Variants in STIP1 observed in about 807,000 individuals in gnomAD.
STIP1 encodes stress-induced-phosphoprotein 1.
STIP1 carries 16 observed loss-of-function variants against 77.4 expected under a neutral mutation model. That is an observed-to-expected ratio of 0.21 (90% CI 0.14 to 0.31). The LOEUF is 0.31. STIP1 is among the 10% of genes least tolerant of loss of function. STIP1 has a pLI of 1.00. For synonymous variants in STIP1, 258 were observed against 246.6 expected (o/e 1.05, Z -0.44); for missense variants, 524 against 684.8 (o/e 0.77, Z 2.62).
rs1172506794 is a variant in STIP1, at chr11:64,204,246, A to G, written c.*120A>G. The G allele has an allele frequency of 9.9e-7, 1 of 1,005,846 alleles. No homozygotes were observed. The highest frequency in any genetic ancestry group is 1.5e-6 in the Non-Finnish European group (1 of 678,264). The allele number at this position is 1,005,846 out of a possible 1,614,324, so 62.3% of individuals were successfully genotyped here. On this transcript the variant is annotated 3_prime_UTR_variant, in exon 14 of 14. Transcript: ENST00000305218. Reference sequence around the variant, plus strand: ...GAAGGCCTCATCTCTCTATATTTATACATAACCCCGGGGAAGACACAGAGA... The same window carrying G: ...GAAGGCCTCATCTCTCTATATTTATGCATAACCCCGGGGAAGACACAGAGA...
At chr11:64,196,423 A>G (rs957145500) in intron 5 of STIP1, among the ~76,000 whole-genome samples, 2 of 151,464 alleles carry the variant, frequency 1.3e-5, no homozygotes, top group African/African-American at 4.8e-5. Context: ...AAGCTTCACA[A>G]GAGCATTCCT....
intron 1 of STIP1, among the ~76,000 whole-genome samples, chr11:64,189,245 C>T (rs746762424): frequency 2.6e-5 from 4 of 152,142 alleles, no homozygotes; most frequent in South Asian, 4.1e-4. Flanking sequence ...CCTGTAGTCC[C>T]GGCTACTTGG....
At position 64,200,058 on chromosome 11, in the gene STIP1, T is replaced by C. The variant is rs199740253; in HGVS notation, c.1120+22T>C. On this transcript the variant is annotated intron_variant, in intron 9 of 13. Transcript: ENST00000305218. ...AAAGGTACTGCCTGCAGCTGGGGGA[T>C]TGGGGGAGCAGTGCTGGGTGTGCCT... The C allele has an allele frequency of 3.2e-5, 52 of 1,613,878 alleles. 1 individual carries two copies. Among genetic ancestry groups the C allele is most frequent in the African/African-American group, 6.7e-5 (5 of 74,958 alleles).
chr11:64,203,244 G>A lies in STIP1; in HGVS notation c.1386+16G>A. Reference sequence around the variant, plus strand: ...CAGCTGTAAGGTGGGGCTGCTTCTGGCCTCCAGGGGCCCCCCCTGCCTCTT... The same window carrying A: ...CAGCTGTAAGGTGGGGCTGCTTCTGACCTCCAGGGGCCCCCCCTGCCTCTT... On this transcript the variant is annotated intron_variant, in intron 12 of 13. Coordinates refer to ENST00000305218, the MANE Select transcript of STIP1 (RefSeq NM_006819.3). The A allele has an allele frequency of 6.2e-7, 1 of 1,612,778 alleles. No homozygotes were observed. The highest frequency in any genetic ancestry group is 8.5e-7 in the Non-Finnish European group (1 of 1,179,828).
chr11:64,198,753 GTT>G (rs371481270), intron 8 of STIP1, among the ~76,000 whole-genome samples: 7 of 111,052 alleles, frequency 6.3e-5, no homozygotes, highest in Non-Finnish European at 8.9e-5. Flanking sequence ...TTTTTTTGTG[GTT>G]TTTTTTTTTT....
chr11:64,197,163 A>T, intron 5 of STIP1, 108 bp from the exon 6 acceptor site: 1 of 1,456,876 alleles, frequency 6.9e-7, no homozygotes, highest in African/African-American at 1.4e-5. Flanking sequence ...AGAACTTGAT[A>T]GAATTCTATT....
At chr11:64,190,179 A>T (rs1396860860) in intron 1 of STIP1, among the ~76,000 whole-genome samples, 2 of 149,740 alleles carry the variant, frequency 1.3e-5, no homozygotes, top group African/African-American at 4.9e-5. Context: ...TTATTTATTT[A>T]TTTATTTTTT....
At chr11:64,186,939 C>T (rs1591001393) in intron 1 of STIP1, among the ~76,000 whole-genome samples, 1 of 152,160 alleles carries the variant, frequency 6.6e-6, no homozygotes, top group Non-Finnish European at 1.5e-5. Context: ...GGACGAATTC[C>T]ATCTCTGACA....
At chr11:64,203,694 G>A in intron 13 of STIP1, 72 bp downstream of exon 13, 1 of 1,588,660 alleles carries the variant, frequency 6.3e-7, no homozygotes, top group Non-Finnish European at 8.6e-7. Flanking sequence ...CACGCGGCTG[G>A]GGGGTGGTAT....
chr11:64,198,506 C>T (rs1025766988), intron 8 of STIP1, among the ~76,000 whole-genome samples: 3 of 152,108 alleles, frequency 2.0e-5, no homozygotes, highest in Non-Finnish European at 2.9e-5. Context: ...CGCCTGGCCA[C>T]GTCCAGCTAA....
chr11:64,195,271 G>T (rs1946136510), intron 4 of STIP1, among the ~76,000 whole-genome samples: 1 of 152,000 alleles, frequency 6.6e-6, no homozygotes, highest in Non-Finnish European at 1.5e-5. Context: ...ACGCCACCAC[G>T]CCCAGCTAAT....
chr11:64,202,821 G>A (rs897295573), intron 10 of STIP1, 55 bp from the exon 11 acceptor site: 1 of 1,609,740 alleles, frequency 6.2e-7, no homozygotes, highest in Non-Finnish European at 8.5e-7. Flanking sequence ...TGAGTTGCCT[G>A]TACTGAGCTT....
intron 13 of STIP1, 24 bp from the exon 14 acceptor site, chr11:64,204,030 A>C (rs769454244): frequency 5.0e-5 from 81 of 1,613,288 alleles, no homozygotes; most frequent in Non-Finnish European, 6.6e-5. Context: ...GTCTCATTTC[A>C]AGTAACTGCG....
At chr11:64,197,088 G>A (rs1946158962) in intron 5 of STIP1, 183 bp from the exon 6 acceptor site, 2 of 741,078 alleles carry the variant, frequency 2.7e-6, no homozygotes, top group Admixed American at 3.0e-5. Flanking sequence ...CAAAGATGAA[G>A]TTAGTTTTCA....
Position 64,204,520 on chromosome 11 carries a change from A to G in STIP1, c.*394A>G. The G allele has an allele frequency of 4.5e-6, 1 of 221,502 alleles. No homozygotes were observed. The highest frequency in any genetic ancestry group is 8.8e-6 in the Non-Finnish European group (1 of 114,020). The allele number at this position is 221,502 out of a possible 1,614,324, so 13.7% of individuals were successfully genotyped here. On this transcript the variant is annotated 3_prime_UTR_variant, in exon 14 of 14. Coordinates refer to ENST00000305218, the MANE Select transcript of STIP1 (RefSeq NM_006819.3). Reference sequence around the variant, plus strand: ...ATTCTGCGTCCCCTTCTCCAATAAAACAAGCCAGTTGGGCGTGGTTATATG... The same window carrying G: ...ATTCTGCGTCCCCTTCTCCAATAAAGCAAGCCAGTTGGGCGTGGTTATATG...
intron 1 of STIP1, among the ~76,000 whole-genome samples, chr11:64,188,924 T>C (rs2134781797): frequency 6.6e-6 from 1 of 152,298 alleles, no homozygotes; most frequent in East Asian, 1.9e-4. Context: ...GTTTAGAAAA[T>C]ACTCAAGTTG....
At position 64,204,501 on chromosome 11, in the gene STIP1, C is replaced by G. The variant is rs3189905; in HGVS notation, c.*375C>G. The G allele has an allele frequency of 4.0e-6, 1 of 249,266 alleles. No individual in the cohort carries two copies. The highest frequency in any genetic ancestry group is 5.4e-5 in the Admixed American group (1 of 18,432). The allele number at this position is 249,266 out of a possible 1,614,324, so 15.4% of individuals were successfully genotyped here. ...CAGCTGTCTCACGTTGTTTATTCTG[C>G]GTCCCCTTCTCCAATAAAACAAGCC... On this transcript the variant is annotated 3_prime_UTR_variant, in exon 14 of 14. Coordinates refer to ENST00000305218, the MANE Select transcript of STIP1 (RefSeq NM_006819.3).
At chr11:64,187,356 G>C (rs1354581607) in intron 1 of STIP1, among the ~76,000 whole-genome samples, 3 of 151,402 alleles carry the variant, frequency 2.0e-5, no homozygotes, top group Middle Eastern at 3.2e-3. Context: ...TCTTCGCTCC[G>C]GGCCCATAAC....
At chr11:64,198,918 A>G (rs941939717) in intron 8 of STIP1, among the ~76,000 whole-genome samples, 2 of 152,212 alleles carry the variant, frequency 1.3e-5, no homozygotes, top group East Asian at 3.9e-4. Flanking sequence ...TGCCAGCAAT[A>G]GCCGGGTGCA....
Sources: allele counts gnomAD v4.1 joint callset (sites outside exome capture counted in the v4.1 genomes callset), GRCh38; gene constraint gnomAD v4.1.1; transcripts MANE v1.5; gene names NCBI Gene and HGNC (gene_info 2026-07-23, HGNC 2026-07-21).